The following CLNK variants were observed in gnomAD, a reference collection of about 807,000 sequenced individuals.
The protein encoded by CLNK is cytokine-dependent hematopoietic cell linker.
In CLNK, 74 loss-of-function variants were observed where a neutral mutation model predicts 68.6. The observed-to-expected ratio is 1.08, with a 90% CI of 0.89 to 1.31. CLNK has a LOEUF of 1.31. Among genes scored for constraint, CLNK ranks in the 50% most tolerant of loss-of-function variants. The pLI, the probability that CLNK is intolerant of heterozygous loss-of-function variation, is 0.00. For synonymous variants in CLNK, 198 were observed against 172.2 expected (o/e 1.15, Z -1.17); for missense variants, 553 against 515.3 (o/e 1.07, Z -0.71).
At chr4:10,526,297 A>G (rs1472400879) in intron 13 of CLNK, among the ~76,000 whole-genome samples, 1 of 152,198 alleles carries the variant, frequency 6.6e-6, no homozygotes, top group Non-Finnish European at 1.5e-5. Flanking sequence ...TTTACTGAAT[A>G]GCTACTATGG....
At chr4:10,535,693 T>C (rs1169750219) in intron 11 of CLNK, among the ~76,000 whole-genome samples, 1 of 152,226 alleles carries the variant, frequency 6.6e-6, no homozygotes, top group Non-Finnish European at 1.5e-5. Context: ...TTAGTAGATA[T>C]GAAACACTGT....
At chr4:10,693,508 G>T in the CLNK span, among the ~76,000 whole-genome samples, 1 of 152,214 alleles carries the variant, frequency 6.6e-6, no homozygotes, top group Admixed American at 6.5e-5. Flanking sequence ...GCCTAGGGCT[G>T]CCAGAAGCTG....
Position 10,528,072 on chromosome 4 carries a change from T to C in CLNK, c.649+4A>G. On this transcript the variant is annotated splice_donor_region_variant and intron_variant, in intron 13 of 18. Coordinates refer to ENST00000226951, the MANE Select transcript of CLNK (RefSeq NM_052964.4). Reference sequence around the variant, plus strand: ...GGGTAAGAAAACAAATGTAAACAATTCACCTTTTTCTGCTTCAAGGACCTG... The same window carrying C: ...GGGTAAGAAAACAAATGTAAACAATCCACCTTTTTCTGCTTCAAGGACCTG... 2 of 1,354,296 alleles carry C rather than the reference T, an allele frequency of 1.5e-6. No individual in the cohort carries two copies. Among genetic ancestry groups the C allele is most frequent in the Non-Finnish European group, 9.7e-7 (1 of 1,030,186 alleles). 83.9% of individuals were successfully genotyped at this position (1,354,296 alleles called of 1,614,324 possible).
chr4:10,670,770 T>C (rs918635387), intron 1 of CLNK, among the ~76,000 whole-genome samples: 1 of 152,222 alleles, frequency 6.6e-6, no homozygotes, highest in Non-Finnish European at 1.5e-5. Flanking sequence ...AGTTAGAGTA[T>C]GTCATTACAT....
At chr4:10,654,703 C>T (rs943745797) in intron 2 of CLNK, among the ~76,000 whole-genome samples, 5 of 151,858 alleles carry the variant, frequency 3.3e-5, no homozygotes, top group East Asian at 1.9e-4. Flanking sequence ...TTTAGGAAGC[C>T]TGTTGTCTGC....
the CLNK span, among the ~76,000 whole-genome samples, chr4:10,722,765 G>C: frequency 3.9e-5 from 6 of 152,308 alleles, no homozygotes; most frequent in African/African-American, 1.2e-4. Flanking sequence ...ATACTCTCTA[G>C]ACGGCAGGGC....
At chr4:10,672,784 G>A (rs1179570930) in intron 1 of CLNK, among the ~76,000 whole-genome samples, 1 of 152,176 alleles carries the variant, frequency 6.6e-6, no homozygotes, top group Non-Finnish European at 1.5e-5. Flanking sequence ...AGAAGGGAGT[G>A]GACTTGAGTG....
intron 2 of CLNK, among the ~76,000 whole-genome samples, chr4:10,631,178 G>A (rs888052051): frequency 2.6e-5 from 4 of 152,138 alleles, no homozygotes; most frequent in African/African-American, 9.7e-5. Context: ...GGTCAGCCCC[G>A]AAGAGCTCTA....
At chr4:10,658,880 C>A (rs1028954037) in intron 2 of CLNK, among the ~76,000 whole-genome samples, 1 of 152,142 alleles carries the variant, frequency 6.6e-6, no homozygotes, top group Non-Finnish European at 1.5e-5. Flanking sequence ...GGGTGGGATA[C>A]GTTGTTGTAG....
At chr4:10,638,765 A>G (rs1321927149) in intron 2 of CLNK, among the ~76,000 whole-genome samples, 2 of 152,178 alleles carry the variant, frequency 1.3e-5, no homozygotes, top group African/African-American at 4.8e-5. Flanking sequence ...GGGTGGCTTA[A>G]ACAAGAGATA....
In CLNK at chr4:10,605,270, T is replaced by C. The variant is rs117033169; in HGVS notation, c.12-7221A>G. Among the ~76,000 whole-genome samples the C allele has an allele frequency of 8.5e-3, 1,298 of 152,290 alleles. 71 individuals are homozygous for C. The highest frequency in any genetic ancestry group is 0.076 in the Admixed American group (1,163 of 15,282). The stretch of plus-strand genomic sequence containing the variant: ...TCTACGGATACATATGTATATACAG[T>C]GACACATCGCTTAATGACGGGAATG... On this transcript the variant is annotated intron_variant, in intron 2 of 18. Coordinates refer to ENST00000226951, the MANE Select transcript of CLNK (RefSeq NM_052964.4).
intron 2 of CLNK, chr4:10,635,966 G>A (rs558445687): frequency 6.6e-6 from 1 of 152,312 alleles, no homozygotes; most frequent in Admixed American, 6.5e-5. Context: ...TCACAAAGTG[G>A]GAAAGAGAGA....
At chr4:10,666,729 C>T (rs1265524456) in intron 2 of CLNK, among the ~76,000 whole-genome samples, 6 of 152,220 alleles carry the variant, frequency 3.9e-5, no homozygotes, top group South Asian at 4.1e-4. Context: ...AATTCTCACT[C>T]GGGTGAGGAG....
At chr4:10,690,259 A>G in the CLNK span, among the ~76,000 whole-genome samples, 1 of 152,144 alleles carries the variant, frequency 6.6e-6, no homozygotes, top group Non-Finnish European at 1.5e-5. Flanking sequence ...CACCCTGACT[A>G]AACCATCCCA....
At position 10,658,769 on chromosome 4, in the gene CLNK, G is replaced by T. The variant is rs116191403; in HGVS notation, c.11+9090C>A. Reference sequence around the variant, plus strand: ...CACAGTGTCCCTTCTGTCACACTCTGTTGGTCAAAACTGCTGTAGGCCCAT... The same window carrying T: ...CACAGTGTCCCTTCTGTCACACTCTTTTGGTCAAAACTGCTGTAGGCCCAT... On this transcript the variant is annotated intron_variant, in intron 2 of 18. Transcript: ENST00000226951. Among the ~76,000 whole-genome samples the T allele has an allele frequency of 3.6e-3, 547 of 152,334 alleles. 5 individuals are homozygous for T. The highest frequency in any genetic ancestry group is 0.01 in the African/African-American group (418 of 41,576).
chr4:10,564,805 A>G, intron 6 of CLNK, 28 bp from the exon 7 acceptor site: 1 of 1,368,768 alleles, frequency 7.3e-7, no homozygotes, highest in Non-Finnish European at 1.0e-6. Context: ...TATGAAAGTC[A>G]TACCTTACGT....
the CLNK span, among the ~76,000 whole-genome samples, chr4:10,722,120 G>T: frequency 6.6e-6 from 1 of 152,268 alleles, no homozygotes; most frequent in African/African-American, 2.4e-5. Flanking sequence ...GTTGCAGTGA[G>T]CCCTGATCAT....
chr4:10,652,445 ATGTTTTT>A (rs998872327), intron 2 of CLNK, among the ~76,000 whole-genome samples: 21 of 150,508 alleles, frequency 1.4e-4, no homozygotes, highest in African/African-American at 4.9e-4. Flanking sequence ...AAAATTCTGT[ATGTTTTT>A]TATAAGATAT....
chr4:10,691,860 G>A, the CLNK span, among the ~76,000 whole-genome samples: 1 of 152,118 alleles, frequency 6.6e-6, no homozygotes, highest in African/African-American at 2.4e-5. Flanking sequence ...CTCTTGATGA[G>A]CTTCTTATTA....
Sources: allele counts gnomAD v4.1 joint callset (sites outside exome capture counted in the v4.1 genomes callset), GRCh38; gene constraint gnomAD v4.1.1; transcripts MANE v1.5; gene names NCBI Gene and HGNC (gene_info 2026-07-23, HGNC 2026-07-21).